COMMD10: variants seen among roughly 807,000 people sequenced by gnomAD.
The protein encoded by COMMD10 is COMM domain containing 10.
A neutral mutation model predicts 28.9 loss-of-function variants in COMMD10; 33 were observed. The ratio of observed to expected loss-of-function variants is 1.14; its 90% CI spans 0.87 to 1.53. The LOEUF (loss-of-function observed/expected upper bound fraction) is 1.53, where lower values mean the gene tolerates loss of function less well. Ranked by LOEUF, COMMD10 falls within the 40% of genes most tolerant of loss-of-function variation. The pLI is 0.00. For missense variants in COMMD10, 310 were observed against 233.4 expected (o/e 1.33, Z -2.14); for synonymous variants, 110 against 81.7 (o/e 1.35, Z -1.87).
At chr5:116,165,932 C>T (rs1753075986) in intron 5 of COMMD10, among the ~76,000 whole-genome samples, 1 of 152,014 alleles carries the variant, frequency 6.6e-6, no homozygotes, top group Non-Finnish European at 1.5e-5. Context: ...CTTTATCTGC[C>T]CCTGAGAGGG....
At chr5:116,104,085 G>A (rs1301951807) in intron 4 of COMMD10, among the ~76,000 whole-genome samples, 1 of 152,170 alleles carries the variant, frequency 6.6e-6, no homozygotes, top group African/African-American at 2.4e-5. Flanking sequence ...GTAGCATGAT[G>A]CCTCCAGCTT....
At chr5:116,115,642 T>C (rs1751208211) in intron 4 of COMMD10, among the ~76,000 whole-genome samples, 1 of 152,190 alleles carries the variant, frequency 6.6e-6, no homozygotes, top group Non-Finnish European at 1.5e-5. Context: ...ATGAATTCTT[T>C]TCAGACAGAA....
At chr5:116,120,637 T>C (rs979496579) in intron 4 of COMMD10, among the ~76,000 whole-genome samples, 2 of 152,156 alleles carry the variant, frequency 1.3e-5, no homozygotes, top group Admixed American at 6.5e-5. Flanking sequence ...ATAGATGGCA[T>C]TCTCTAGTAT....
At chr5:116,228,310 A>G (rs1454965108) in intron 5 of COMMD10, among the ~76,000 whole-genome samples, 1 of 152,006 alleles carries the variant, frequency 6.6e-6, no homozygotes, top group African/African-American at 2.4e-5. Flanking sequence ...TTTGATAGCT[A>G]ACATCATTTG....
rs537786572 is a variant in COMMD10 at position 116,092,556 on chromosome 5, C to G, written c.255C>G (p.His85Gln). Residue 85 changes from histidine to glutamine, a missense_variant, in exon 4 of 7, where the codon CAC (histidine) becomes CAG (glutamine). By Grantham distance (24) the His-to-Gln change is conservative (BLOSUM62 0). Coordinates refer to ENST00000274458, the MANE Select transcript of COMMD10 (RefSeq NM_016144.4). ...ISFILEQAVY[H>Q]NVKPAALQQQ... is the part of the protein sequence containing the mutation. ...TTTCTTTTTAATAGGCAGTGTATCA[C>G]AATGTGAAGCCAGCAGCTTTGCAGC... The G allele has an allele frequency of 1.9e-6, 3 of 1,596,706 alleles. No homozygotes were observed. Among genetic ancestry groups the G allele is most frequent in the Non-Finnish European group, 2.6e-6 (3 of 1,171,860 alleles).
At chr5:116,200,493 C>T (rs1344461403) in intron 5 of COMMD10, among the ~76,000 whole-genome samples, 3 of 152,038 alleles carry the variant, frequency 2.0e-5, no homozygotes, top group Non-Finnish European at 4.4e-5. Context: ...CATTTTTAGT[C>T]ACTATTGCTT....
chr5:116,097,978 A>G (rs1407389556), intron 4 of COMMD10, among the ~76,000 whole-genome samples: 2 of 152,192 alleles, frequency 1.3e-5, no homozygotes, highest in South Asian at 2.1e-4. Flanking sequence ...GGAGATTACA[A>G]TTGCACATGA....
intron 5 of COMMD10, among the ~76,000 whole-genome samples, chr5:116,263,298 T>C (rs891716235): frequency 3.3e-5 from 5 of 151,758 alleles, no homozygotes; most frequent in African/African-American, 4.9e-5. Context: ...CTACAAACCA[T>C]AAATTCTCAT....
At chr5:116,171,591 A>T (rs190331172) in intron 5 of COMMD10, among the ~76,000 whole-genome samples, 1 of 152,216 alleles carries the variant, frequency 6.6e-6, no homozygotes, top group East Asian at 1.9e-4. Flanking sequence ...ATGCCCATCA[A>T]TGATATACTG....
At chr5:116,114,722 T>C (rs1160449505) in intron 4 of COMMD10, among the ~76,000 whole-genome samples, 3 of 152,188 alleles carry the variant, frequency 2.0e-5, no homozygotes, top group Admixed American at 2.0e-4. Context: ...CCCAGTGGTT[T>C]CAGCATTGGC....
chr5:116,112,759 A>G (rs984373447), intron 4 of COMMD10, among the ~76,000 whole-genome samples: 11 of 151,762 alleles, frequency 7.2e-5, no homozygotes, highest in African/African-American at 2.7e-4. Context: ...TAATCCATTT[A>G]TGTTTGAGGT....
At chr5:116,104,604 G>T (rs1750775154) in intron 4 of COMMD10, among the ~76,000 whole-genome samples, 1 of 151,922 alleles carries the variant, frequency 6.6e-6, no homozygotes, top group African/African-American at 2.4e-5. Context: ...CAGACAATTT[G>T]ACTTCCTCTT....
At chr5:116,275,867 C>G (rs751661209) in intron 5 of COMMD10, among the ~76,000 whole-genome samples, 1 of 151,448 alleles carries the variant, frequency 6.6e-6, no homozygotes, top group African/African-American at 2.4e-5. Flanking sequence ...CAAGTAATCA[C>G]TGTGCTTATA....
chr5:116,241,786 G>A (rs888810901), intron 5 of COMMD10, among the ~76,000 whole-genome samples: 1 of 150,836 alleles, frequency 6.6e-6, no homozygotes, highest in Non-Finnish European at 1.5e-5. Context: ...CTAATTTTTT[G>A]TATTTTCTTT....
intron 5 of COMMD10, among the ~76,000 whole-genome samples, chr5:116,220,324 G>T (rs1749215578): frequency 6.6e-6 from 1 of 152,076 alleles, no homozygotes; most frequent in Non-Finnish European, 1.5e-5. Flanking sequence ...GAGTTTTGGG[G>T]GATTTAATCA....
At chr5:116,261,515 A>G (rs966505697) in intron 5 of COMMD10, among the ~76,000 whole-genome samples, 1 of 151,726 alleles carries the variant, frequency 6.6e-6, no homozygotes, top group African/African-American at 2.4e-5. Context: ...TGCAGCCTGC[A>G]GCTGGGGACT....
rs138866228 is a variant in COMMD10, at chr5:116,095,835, A to G, written c.399+3135A>G. On this transcript the variant is annotated intron_variant, in intron 4 of 6. Transcript: ENST00000274458. ...AGGTCAAAGTTCATTTTTTCTATGTATGGATGTTCATTTGCTCCAATGTGA... is the reference window on the plus strand; with the variant it reads ...AGGTCAAAGTTCATTTTTTCTATGTGTGGATGTTCATTTGCTCCAATGTGA... 3.0e-3 allele frequency among the ~76,000 whole-genome samples: 460 copies of G among 152,144 alleles called. 8 individuals carry two copies. Among genetic ancestry groups the G allele is most frequent in the Admixed American group, 0.028 (432 of 15,288 alleles).
At chr5:116,089,774 CAT>C (rs1003491427) in intron 2 of COMMD10, among the ~76,000 whole-genome samples, 5 of 152,116 alleles carry the variant, frequency 3.3e-5, no homozygotes, top group African/African-American at 1.2e-4. Flanking sequence ...AATAAAGAAA[CAT>C]ATGTATGTGA....
chr5:116,122,194 A>G (rs1751457319), intron 4 of COMMD10, among the ~76,000 whole-genome samples: 1 of 152,186 alleles, frequency 6.6e-6, no homozygotes. Context: ...TTAGTTTTCT[A>G]CATATGGCTA....
Sources: gnomAD v4.1 joint callset for allele counts (sites outside exome capture counted in the v4.1 genomes callset) on GRCh38, gnomAD v4.1.1 for gene constraint, MANE v1.5 for transcripts, NCBI Gene and HGNC (gene_info 2026-07-23, HGNC 2026-07-21) for gene names.